Variants in MRPL48 observed in about 807,000 individuals in gnomAD.
The protein encoded by MRPL48 is large ribosomal subunit protein mL48.
MRPL48 carries 16 observed loss-of-function variants against 32.9 expected under a neutral mutation model. That is an observed-to-expected ratio of 0.49 (90% confidence interval 0.33 to 0.74). The LOEUF is 0.74. Among genes scored for constraint, MRPL48 ranks in the 30% least tolerant of loss-of-function variants. The pLI is 0.02. For synonymous variants in MRPL48, 94 were observed against 89.2 expected, an observed-to-expected ratio of 1.05 and a Z score of -0.31; for missense variants, 206 against 245.3, an observed-to-expected ratio of 0.84 and a Z score of 1.07.
At chr11:73,811,333 G>T (rs1377688111) in intron 3 of MRPL48, among the ~76,000 whole-genome samples, 2 of 152,150 alleles carry the variant, frequency 1.3e-5, no homozygotes, top group African/African-American at 4.8e-5. Flanking sequence ...GTGAATGAAA[G>T]TCCAAGAGTT....
At chr11:73,847,139 A>G (rs1948306967) in intron 5 of MRPL48, among the ~76,000 whole-genome samples, 1 of 152,050 alleles carries the variant, frequency 6.6e-6, no homozygotes, top group Non-Finnish European at 1.5e-5. Flanking sequence ...TTGTTTTCCA[A>G]AATGGCTGCA....
intron 1 of MRPL48, among the ~76,000 whole-genome samples, chr11:73,804,588 G>A (rs1251365318): frequency 6.6e-6 from 1 of 152,176 alleles, no homozygotes; most frequent in Non-Finnish European, 1.5e-5. Flanking sequence ...AGTCCTCTTA[G>A]CAGCTTATTA....
Position 73,797,311 on chromosome 11 carries a change from A to C in MRPL48, c.22-7716A>C, listed in dbSNP as rs1407534409. On this transcript the variant is annotated intron_variant, in intron 1 of 7. Coordinates refer to ENST00000310614, the MANE Select transcript of MRPL48 (RefSeq NM_016055.6). ...TGCATACTCCATTTGTTCTGGTTGC[A>C]GGACAAGAACTTGGGACCTGTTTAA... is the stretch of plus-strand genomic sequence containing the variant. Among the ~76,000 whole-genome samples the C allele has an allele frequency of 1.3e-5, 2 of 152,352 alleles. 1 individual carries two copies. The highest frequency in any genetic ancestry group is 4.1e-4 in the South Asian group (2 of 4,832).
intron 1 of MRPL48, among the ~76,000 whole-genome samples, chr11:73,788,496 AC>A (rs1947090976): frequency 1.9e-5 from 1 of 53,998 alleles, no homozygotes; most frequent in African/African-American, 8.5e-5. Context: ...TTTTTTTTTG[AC>A]GGATTTCGCT....
intron 1 of MRPL48, among the ~76,000 whole-genome samples, chr11:73,803,438 A>AT (rs35911178): frequency 0.01 from 1,519 of 148,020 alleles, 18 homozygotes; most frequent in Middle Eastern, 0.042. Flanking sequence ...GCCTAGAGTG[A>AT]TTTTTTTTTT....
intron 4 of MRPL48, among the ~76,000 whole-genome samples, chr11:73,827,282 C>T (rs1167855059): frequency 2.0e-5 from 3 of 151,884 alleles, no homozygotes; most frequent in African/African-American, 4.8e-5. Flanking sequence ...TACTCGGAAG[C>T]CTGAGGCATG....
Position 73,862,650 on chromosome 11 carries a change from T to C in MRPL48, c.475-522T>C, listed in dbSNP as rs115851725. On this transcript the variant is annotated intron_variant, in intron 6 of 7. Transcript: ENST00000310614. ...GTCAGCCTGAGTTGGGTGCCATGGT[T>C]CATGCCTGTAAACCTAGCACTTTTG... 5.4e-3 allele frequency among the ~76,000 whole-genome samples: 816 copies of C among 152,212 alleles called. 8 individuals are homozygous for C. The highest frequency in any genetic ancestry group is 0.018 in the African/African-American group (738 of 41,516).
intron 1 of MRPL48, among the ~76,000 whole-genome samples, chr11:73,799,336 A>T (rs940572070): frequency 1.3e-5 from 2 of 152,208 alleles, no homozygotes; most frequent in African/African-American, 4.8e-5. Flanking sequence ...TGGGTGACAG[A>T]GCAAGACCTT....
intron 3 of MRPL48, among the ~76,000 whole-genome samples, chr11:73,812,925 T>C (rs1021437579): frequency 6.6e-6 from 1 of 150,876 alleles, no homozygotes; most frequent in African/African-American, 2.4e-5. Context: ...AATTTTTGTA[T>C]TTATTAGTAG....
At chr11:73,800,848 G>A (rs1723832) in intron 1 of MRPL48, among the ~76,000 whole-genome samples, 58,832 of 126,826 alleles carry the variant, frequency 0.46, 13,358 homozygotes, top group African/African-American at 0.66. Flanking sequence ...TTTCGCTCTT[G>A]TTGCCCAGGC....
intron 1 of MRPL48, among the ~76,000 whole-genome samples, chr11:73,788,520 C>CTGGAGTGCAGTGG (rs767194470): frequency 2.8e-3 from 372 of 132,734 alleles, no homozygotes; most frequent in Middle Eastern, 5.2e-3. Context: ...GTTGCCCAGG[C>CTGGAGTGCAGTGG]TGGAGTGCAG....
chr11:73,810,214 G>C (rs1052400810), intron 3 of MRPL48, among the ~76,000 whole-genome samples: 5 of 152,092 alleles, frequency 3.3e-5, no homozygotes, highest in African/African-American at 7.2e-5. Flanking sequence ...ACTTTAGCTT[G>C]GGTTTTTAGA....
intron 3 of MRPL48, among the ~76,000 whole-genome samples, chr11:73,819,454 C>T (rs1358312633): frequency 1.3e-5 from 2 of 152,124 alleles, no homozygotes; most frequent in African/African-American, 4.8e-5. Flanking sequence ...TTTTTATTTA[C>T]ATAAAACGTT....
rs1283773033 is a variant in MRPL48 at position 73,864,406 on chromosome 11, T to C, written c.*36T>C. ...CCCTTTCATGCCAGCAGTGGTCATA[T>C]TGAGTGCCAAAGAGAAGAGCTTACT... On this transcript the variant is annotated 3_prime_UTR_variant, in exon 8 of 8. Transcript: ENST00000310614. The C allele has an allele frequency of 7.5e-6, 12 of 1,606,474 alleles. No individual in the cohort carries two copies. The highest frequency in any genetic ancestry group is 4.5e-5 in the East Asian group (2 of 44,826).
At chr11:73,826,825 G>T (rs1947903239) in intron 4 of MRPL48, among the ~76,000 whole-genome samples, 1 of 143,720 alleles carries the variant, frequency 7.0e-6, no homozygotes, top group African/African-American at 2.6e-5. Flanking sequence ...TGCTCAGGCT[G>T]GAGGGCAATG....
intron 5 of MRPL48, chr11:73,850,545 C>T (rs761279716): frequency 7.5e-5 from 29 of 388,122 alleles, no homozygotes; most frequent in Non-Finnish European, 1.3e-4. Context: ...ATTTCTTCAA[C>T]ATTCAGTTCT....
chr11:73,809,707 A>G (rs1369022302), intron 3 of MRPL48, among the ~76,000 whole-genome samples: 1 of 152,014 alleles, frequency 6.6e-6, no homozygotes, highest in Non-Finnish European at 1.5e-5. Flanking sequence ...ATTACTTGCC[A>G]TTTTTGCTTT....
intron 4 of MRPL48, among the ~76,000 whole-genome samples, chr11:73,830,775 C>T (rs1248924994): frequency 2.0e-5 from 3 of 151,470 alleles, no homozygotes; most frequent in African/African-American, 4.8e-5. Flanking sequence ...TTATGACTTA[C>T]GCATCTTGGG....
chr11:73,794,911 A>AT (rs556425789), intron 1 of MRPL48, among the ~76,000 whole-genome samples: 11,575 of 102,194 alleles, frequency 0.11, 625 homozygotes, highest in South Asian at 0.29. Context: ...TGCCCAGCTA[A>AT]TTTTTTTTTT....
Sources: gnomAD v4.1 joint callset for allele counts (sites outside exome capture counted in the v4.1 genomes callset) on GRCh38, gnomAD v4.1.1 for gene constraint, MANE v1.5 for transcripts, NCBI Gene and HGNC (gene_info 2026-07-23, HGNC 2026-07-21) for gene names.